The following APOOL variants were observed in gnomAD, a reference collection of about 807,000 sequenced individuals.
APOOL encodes MICOS complex subunit MIC27.
A neutral mutation model predicts 23.1 loss-of-function variants in APOOL; 12 were observed. The observed-to-expected ratio is 0.52, with a 90% CI of 0.33 to 0.84. The LOEUF (loss-of-function observed/expected upper bound fraction) is 0.84, where lower values mean the gene tolerates loss of function less well. Ranked by LOEUF, APOOL falls within the 40% of genes least tolerant of loss-of-function variation. The pLI is 0.02. For missense variants in APOOL, 212 were observed against 199.6 expected (o/e 1.06, Z -0.37); for synonymous variants, 77 against 69.9 (o/e 1.10, Z -0.51).
chrX:85,078,835 T>A (rs1923963547), intron 8 of APOOL, among the ~76,000 whole-genome samples: 1 of 111,222 alleles, frequency 9.0e-6, no homozygotes, highest in Non-Finnish European at 1.9e-5. Context: ...CCTAGGTATT[T>A]TATTCTCTTT....
intron 8 of APOOL, among the ~76,000 whole-genome samples, chrX:85,079,150 G>A (rs970009380): frequency 9.0e-6 from 1 of 111,574 alleles, no homozygotes; most frequent in Non-Finnish European, 1.9e-5. Context: ...GGTGAGAGAG[G>A]GCACCCCTGT....
At chrX:85,016,889 A>G (rs1482676135) in intron 1 of APOOL, among the ~76,000 whole-genome samples, 1 of 112,481 alleles carries the variant, frequency 8.9e-6, no homozygotes, top group African/African-American at 3.2e-5. Flanking sequence ...TCTTAGGAGC[A>G]GGGTTATTCT....
chrX:85,070,617 G>A (rs1427985821), intron 6 of APOOL, among the ~76,000 whole-genome samples: 5 of 111,222 alleles, frequency 4.5e-5, no homozygotes, highest in Non-Finnish European at 9.4e-5. Flanking sequence ...ACAACATGAT[G>A]ATTTGACATA....
intron 1 of APOOL, 142 bp downstream of exon 1, chrX:85,004,069 C>T (rs1417557740): frequency 1.3e-6 from 1 of 759,348 alleles, no homozygotes; most frequent in Non-Finnish European, 2.0e-6. Context: ...CAATCTTTAT[C>T]GTTTGAAGCC....
At chrX:85,060,248 G>T (rs1193452189) in intron 5 of APOOL, among the ~76,000 whole-genome samples, 2,620 of 103,123 alleles carry the variant, frequency 0.025, 87 homozygotes, top group African/African-American at 0.089. Context: ...TCTCTGTTTT[G>T]GTACCAGTAC....
At chrX:85,079,763 T>C (rs1004770487) in intron 8 of APOOL, among the ~76,000 whole-genome samples, 2 of 111,777 alleles carry the variant, frequency 1.8e-5, no homozygotes, top group East Asian at 5.6e-4. Flanking sequence ...TGCCTCAATT[T>C]CAGAGCCTGT....
At chrX:85,033,185 G>A (rs1176750767) in intron 1 of APOOL, among the ~76,000 whole-genome samples, 1 of 111,936 alleles carries the variant, frequency 8.9e-6, no homozygotes, top group East Asian at 2.8e-4. Context: ...GTGTTTTTCT[G>A]TTCTCCAAAG....
chrX:85,027,703 G>A (rs1041235146), intron 1 of APOOL, among the ~76,000 whole-genome samples: 24 of 112,119 alleles, frequency 2.1e-4, no homozygotes, highest in African/African-American at 7.8e-4. Flanking sequence ...TTATTGATAT[G>A]TTAGGGTTTA....
rs754717568 is a variant in APOOL at position 85,058,617 on chromosome X, A to G, written c.394+2692A>G. Reference sequence around the variant, plus strand: ...TAATGGGATTGCTGGGTCAAATGGTATTTCCGGTTCTAAATCTTTGAGGAA... The same window carrying G: ...TAATGGGATTGCTGGGTCAAATGGTGTTTCCGGTTCTAAATCTTTGAGGAA... On this transcript the variant is annotated intron_variant, in intron 5 of 8. Coordinates refer to ENST00000373173, the MANE Select transcript of APOOL (RefSeq NM_198450.6). 2.7e-5 allele frequency among the ~76,000 whole-genome samples: 3 copies of G among 111,426 alleles called. No homozygotes were observed. In the East Asian group the frequency reaches 8.5e-4, roughly 32 times the overall value.
At chrX:85,054,522 A>G (rs753368374) in intron 4 of APOOL, 124 bp downstream of exon 4, 120 of 436,387 alleles carry the variant, frequency 2.7e-4, no homozygotes, top group Middle Eastern at 1.2e-3. Context: ...GGTACTCTCT[A>G]TAGCAATTTA....
intron 8 of APOOL, among the ~76,000 whole-genome samples, chrX:85,082,275 G>A (rs1231807275): frequency 9.0e-6 from 1 of 111,286 alleles, no homozygotes. Flanking sequence ...ATGGGGTTTT[G>A]GTGTGGATGT....
chrX:85,048,362 G>A (rs1447394222), intron 2 of APOOL, among the ~76,000 whole-genome samples: 1 of 111,191 alleles, frequency 9.0e-6, no homozygotes, highest in Non-Finnish European at 1.9e-5. Flanking sequence ...TATCTGGACA[G>A]CTCAAATCTA....
chrX:85,018,475 A>G (rs1921553346), intron 1 of APOOL, among the ~76,000 whole-genome samples: 1 of 111,752 alleles, frequency 8.9e-6, no homozygotes, highest in African/African-American at 3.3e-5. Flanking sequence ...ACCGGGCCCC[A>G]CCTTCAAATT....
intron 1 of APOOL, among the ~76,000 whole-genome samples, chrX:85,025,600 A>T (rs1213401606): frequency 3.6e-5 from 4 of 112,446 alleles, no homozygotes; most frequent in Non-Finnish European, 7.5e-5. Flanking sequence ...TTCTCTTTCC[A>T]AAAGGGAGAA....
intron 1 of APOOL, among the ~76,000 whole-genome samples, chrX:85,011,712 A>T (rs1175608057): frequency 3.6e-5 from 4 of 111,809 alleles, no homozygotes; most frequent in African/African-American, 9.7e-5. Flanking sequence ...GCCTACTTTT[A>T]TACCAGTACC....
rs185046454 is a variant in APOOL, at chrX:85,071,223, A to G, written c.487-2775A>G. Among the ~76,000 whole-genome samples the G allele has an allele frequency of 6.2e-3, 687 of 111,061 alleles. 5 individuals carry two copies. The highest frequency in any genetic ancestry group is 0.022 in the African/African-American group (661 of 30,588). On this transcript the variant is annotated intron_variant, in intron 6 of 8. Transcript: ENST00000373173. ...CTAGAAATTTAATTCAGTTCTTACAAAAGCTCTGGATTTGAATGGAGTGTG... is the reference window on the plus strand; with the variant it reads ...CTAGAAATTTAATTCAGTTCTTACAGAAGCTCTGGATTTGAATGGAGTGTG...
chrX:85,036,962 T>C (rs1355410909), intron 1 of APOOL, among the ~76,000 whole-genome samples: 1 of 111,384 alleles, frequency 9.0e-6, no homozygotes, highest in African/African-American at 3.3e-5. Flanking sequence ...AAACATACAA[T>C]ATTTGGTTTT....
rs368659997 is a variant in APOOL, at chrX:85,013,062, G to A, written c.15+9135G>A. ...TTCTGTTTCTTCCTTATTTAATCTA[G>A]GAGGATTGTGTATTTCTGGGAATGT... On this transcript the variant is annotated intron_variant, in intron 1 of 8. Transcript: ENST00000373173. 8.1e-5 allele frequency among the ~76,000 whole-genome samples: 9 copies of A among 111,638 alleles called. No homozygotes were observed. The East Asian group carries it at 2.0e-3, about 24-fold the overall frequency.
intron 1 of APOOL, among the ~76,000 whole-genome samples, chrX:85,027,690 C>T (rs1279702041): frequency 1.8e-5 from 2 of 111,957 alleles, no homozygotes; most frequent in East Asian, 5.6e-4. Flanking sequence ...ACATGTAATT[C>T]AGTTATTGAT....
Sources: allele counts gnomAD v4.1 joint callset (sites outside exome capture counted in the v4.1 genomes callset), GRCh38; gene constraint gnomAD v4.1.1; transcripts MANE v1.5; gene names NCBI Gene and HGNC (gene_info 2026-07-23, HGNC 2026-07-21).